CELF2: variants seen among roughly 807,000 people sequenced by gnomAD.
CELF2 encodes CUG triplet repeat RNA-binding protein 2.
Under a neutral mutation model 62.6 loss-of-function variants are expected in CELF2, and 8 were observed. The observed-to-expected ratio is 0.13, with a 90% confidence interval of 0.07 to 0.23. The LOEUF (loss-of-function observed/expected upper bound fraction) is 0.23. Among genes scored for constraint, CELF2 ranks in the 10% least tolerant of loss-of-function variants. The probability of loss-of-function intolerance (pLI) is 1.00; values close to 1 mark genes in which losing one functional copy is unlikely to be tolerated. For synonymous variants in CELF2, 258 were observed against 250.0 expected (o/e 1.03, Z -0.30); for missense variants, 333 against 671.0 (o/e 0.50, Z 5.56).
At chr10:11,283,799 T>C (rs923168513) in intron 8 of CELF2, among the ~76,000 whole-genome samples, 11 of 147,352 alleles carry the variant, frequency 7.5e-5, no homozygotes, top group African/African-American at 2.3e-4. Flanking sequence ...GTGGGGTAGA[T>C]GATGAGTGGA....
Position 11,223,797 on chromosome 10 carries a change from G to A in CELF2, c.354+6290G>A, listed in dbSNP as rs566350259. Among the ~76,000 whole-genome samples, 3 of 152,296 alleles carry A rather than the reference G, an allele frequency of 2.0e-5. No homozygotes were observed. The highest frequency in any genetic ancestry group is 2.1e-4 in the South Asian group (1 of 4,822). ...CGGTATAGATCCAGGAGAGGATATC[G>A]GAGGATGGAAGGAAATCCTGGGCCC... On this transcript the variant is annotated intron_variant, in intron 3 of 12. Coordinates refer to ENST00000633077, the MANE Select transcript of CELF2 (RefSeq NM_001326342.2). This position sits in a 1 kb window ranked among gnomAD's most constrained non-coding sequence, Gnocchi z 5.1.
chr10:10,552,146 G>A, the CELF2 span, among the ~76,000 whole-genome samples: 1 of 152,108 alleles, frequency 6.6e-6, no homozygotes, highest in East Asian at 1.9e-4. Context: ...GTTGATCAGT[G>A]CAAATGAAAG....
chr10:11,153,812 T>C (rs1435293065), intron 1 of CELF2, among the ~76,000 whole-genome samples: 1 of 152,208 alleles, frequency 6.6e-6, no homozygotes, highest in East Asian at 1.9e-4. Flanking sequence ...GATTTCTTTT[T>C]GGGTAGGGGG....
the CELF2 span, among the ~76,000 whole-genome samples, chr10:10,682,699 A>G: frequency 2.0e-5 from 3 of 151,568 alleles, no homozygotes; most frequent in African/African-American, 7.3e-5. Context: ...GTCTCTTTGG[A>G]TCACATTTAC....
intron 3 of CELF2, among the ~76,000 whole-genome samples, chr10:11,229,590 G>A (rs996448071): frequency 6.6e-6 from 1 of 150,826 alleles, no homozygotes; most frequent in Non-Finnish European, 1.5e-5. Flanking sequence ...TGAGAGTCTG[G>A]CATCAGTATT....
At chr10:10,530,826 G>A in the CELF2 span, among the ~76,000 whole-genome samples, 1 of 152,312 alleles carries the variant, frequency 6.6e-6, no homozygotes, top group East Asian at 1.9e-4. Flanking sequence ...ATTATTTTCA[G>A]TGTCAATTTG....
At chr10:10,521,945 G>A in the CELF2 span, among the ~76,000 whole-genome samples, 1 of 152,118 alleles carries the variant, frequency 6.6e-6, no homozygotes, top group African/African-American at 2.4e-5. Context: ...GGAATGAATG[G>A]GGGTAACGGG....
the CELF2 span, among the ~76,000 whole-genome samples, chr10:10,559,015 A>G: frequency 1.3e-5 from 2 of 152,154 alleles, no homozygotes; most frequent in Non-Finnish European, 1.5e-5. Context: ...AAGTGATCAT[A>G]TTTTAGATAT....
At chr10:11,257,579 G>A (rs1416014495) in intron 4 of CELF2, 159 bp from the exon 5 acceptor site, 12 of 651,610 alleles carry the variant, frequency 1.8e-5, no homozygotes, top group African/African-American at 1.3e-4. Flanking sequence ...AGGGTGGGGC[G>A]CATGGAGGGA....
At chr10:10,715,242 A>T in the CELF2 span, among the ~76,000 whole-genome samples, 7 of 152,236 alleles carry the variant, frequency 4.6e-5, no homozygotes, top group Non-Finnish European at 1.0e-4. Context: ...GCTATGAAGG[A>T]GAGAAAAGGC....
rs1288267880 is a variant in CELF2, at chr10:11,305,898, C to A, written c.977-8241C>A. 1.3e-5 allele frequency among the ~76,000 whole-genome samples: 2 copies of A among 152,194 alleles called. No homozygotes were observed. The highest frequency in any genetic ancestry group is 2.9e-5 in the Non-Finnish European group (2 of 68,034). ...CCATCAGGGTCTCTGGACCACCTCGCTTTTCCTGTTCTCCACACCCCACCC... is the reference window on the plus strand; with the variant it reads ...CCATCAGGGTCTCTGGACCACCTCGATTTTCCTGTTCTCCACACCCCACCC... On this transcript the variant is annotated intron_variant, in intron 9 of 12. Transcript: ENST00000633077. This position sits in a 1 kb window ranked among gnomAD's most constrained non-coding sequence, Gnocchi z 4.8.
In CELF2 at chr10:11,039,834, A is replaced by G. The variant is rs184411766; in HGVS notation, c.74+21671A>G. ...ATGGACCAGAGTAACCTAAAGATGCATGTTGGTATATATTTTAATTCCAGG... is the reference window on the plus strand; with the variant it reads ...ATGGACCAGAGTAACCTAAAGATGCGTGTTGGTATATATTTTAATTCCAGG... On this transcript the variant is annotated intron_variant, in intron 1 of 12. Coordinates refer to ENST00000633077, the MANE Select transcript of CELF2 (RefSeq NM_001326342.2). This position sits in a 1 kb window ranked among gnomAD's most constrained non-coding sequence, Gnocchi z 4.1. Among the ~76,000 whole-genome samples, 41 of 152,292 alleles carry G rather than the reference A, an allele frequency of 2.7e-4. No individual in the cohort carries two copies. The highest frequency in any genetic ancestry group is 9.6e-4 in the African/African-American group (40 of 41,552).
At chr10:10,650,218 G>T in the CELF2 span, among the ~76,000 whole-genome samples, 1 of 152,138 alleles carries the variant, frequency 6.6e-6, no homozygotes, top group Admixed American at 6.5e-5. Context: ...AACAAATAAA[G>T]CAGAACAAAA....
chr10:11,020,922 A>T (rs1743176768), intron 1 of CELF2, among the ~76,000 whole-genome samples: 1 of 152,226 alleles, frequency 6.6e-6, no homozygotes, highest in Admixed American at 6.5e-5. Context: ...GGAAATGGAC[A>T]TTTTAAATAA....
chr10:10,970,221 A>C (rs1013572317), intron 2 of CELF2, among the ~76,000 whole-genome samples: 3 of 152,090 alleles, frequency 2.0e-5, no homozygotes, highest in African/African-American at 7.2e-5. Flanking sequence ...GGTGTGCACC[A>C]CCATGCCTGG....
chr10:11,258,851 C>T (rs2653513), intron 5 of CELF2, among the ~76,000 whole-genome samples: 149,522 of 152,288 alleles, frequency 0.98, 73,448 homozygotes, highest in Middle Eastern at 1. Context: ...CACGCCTGGC[C>T]AACTTTTGTA....
At chr10:10,603,671 C>T in the CELF2 span, among the ~76,000 whole-genome samples, 3 of 152,032 alleles carry the variant, frequency 2.0e-5, no homozygotes, top group African/African-American at 4.8e-5. Flanking sequence ...GGATAAGTGC[C>T]TTTTCTCTAA....
chr10:10,605,956 T>G, the CELF2 span, among the ~76,000 whole-genome samples: 1,324 of 152,338 alleles, frequency 8.7e-3, 22 homozygotes, highest in African/African-American at 0.029. Context: ...ATGTATGATC[T>G]ATGCTGAATG....
chr10:10,642,269 T>A, the CELF2 span, among the ~76,000 whole-genome samples: 1 of 152,242 alleles, frequency 6.6e-6, no homozygotes, highest in Non-Finnish European at 1.5e-5. Flanking sequence ...AGTTTGTCAC[T>A]GTAGTGGTAA....
Sources: gnomAD v4.1 joint callset for allele counts (sites outside exome capture counted in the v4.1 genomes callset) on GRCh38, gnomAD v4.1.1 for gene constraint, Gnocchi (gnomAD v3.1) non-coding constraint, MANE v1.5 for transcripts, NCBI Gene and HGNC (gene_info 2026-07-23, HGNC 2026-07-21) for gene names.